Variants in GUCY1A1 observed in about 807,000 individuals in gnomAD.
GUCY1A1 encodes the protein guanylate cyclase 1 soluble subunit alpha 1.
GUCY1A1 carries 48 observed loss-of-function variants against 64.5 expected under a neutral mutation model. That is an observed-to-expected ratio of 0.74 (90% CI 0.59 to 0.95). The LOEUF is 0.95. Ranked by LOEUF, GUCY1A1 falls within the 40% of genes least tolerant of loss-of-function variation. The pLI, the probability that GUCY1A1 is intolerant of heterozygous loss-of-function variation, is 0.00. For synonymous variants in GUCY1A1, 308 were observed against 303.4 expected (o/e 1.02, Z -0.16); for missense variants, 804 against 825.3 (o/e 0.97, Z 0.32).
At chr4:155,703,520 A>C (rs1731360154) in intron 3 of GUCY1A1, among the ~76,000 whole-genome samples, 1 of 152,186 alleles carries the variant, frequency 6.6e-6, no homozygotes, top group African/African-American at 2.4e-5. Context: ...CTGAGATTGA[A>C]GTATTGGCCG....
chr4:155,720,656 T>C (rs1430129008), intron 8 of GUCY1A1, among the ~76,000 whole-genome samples: 1 of 152,122 alleles, frequency 6.6e-6, no homozygotes, highest in East Asian at 1.9e-4. Context: ...TCATATGACA[T>C]CTTAAAAGTA....
chr4:155,724,557 A>G (rs1420605294), intron 9 of GUCY1A1, among the ~76,000 whole-genome samples: 1 of 152,106 alleles, frequency 6.6e-6, no homozygotes, highest in Non-Finnish European at 1.5e-5. Flanking sequence ...TCTCAGAAGC[A>G]TTTGAATAGG....
At chr4:155,678,120 C>T (rs1735211670) in intron 2 of GUCY1A1, among the ~76,000 whole-genome samples, 1 of 152,036 alleles carries the variant, frequency 6.6e-6, no homozygotes, top group Non-Finnish European at 1.5e-5. Context: ...CAAAAATGTA[C>T]ACTTATACTT....
At chr4:155,691,158 A>G (rs1175555282) in intron 2 of GUCY1A1, among the ~76,000 whole-genome samples, 1 of 152,210 alleles carries the variant, frequency 6.6e-6, no homozygotes, top group Non-Finnish European at 1.5e-5. Context: ...AAGAATAAAT[A>G]TGATGTAAGG....
intron 2 of GUCY1A1, among the ~76,000 whole-genome samples, chr4:155,676,662 G>A (rs1345943278): frequency 6.6e-6 from 1 of 151,460 alleles, no homozygotes; most frequent in Admixed American, 6.6e-5. Context: ...GAGTCATGCA[G>A]TGTTTATCAC....
At chr4:155,710,114 A>C (rs1560948326) in intron 5 of GUCY1A1, among the ~76,000 whole-genome samples, 1 of 152,226 alleles carries the variant, frequency 6.6e-6, no homozygotes, top group Non-Finnish European at 1.5e-5. Flanking sequence ...CAGTAATTTT[A>C]AATTAACTTC....
At chr4:155,670,255 A>C (rs1733952924) in intron 2 of GUCY1A1, among the ~76,000 whole-genome samples, 1 of 152,182 alleles carries the variant, frequency 6.6e-6, no homozygotes, top group Non-Finnish European at 1.5e-5. Flanking sequence ...TGTAAAAACA[A>C]ATTTTTTCCC....
At chr4:155,694,458 G>A (rs1182986521) in intron 2 of GUCY1A1, among the ~76,000 whole-genome samples, 1 of 152,170 alleles carries the variant, frequency 6.6e-6, no homozygotes, top group African/African-American at 2.4e-5. Flanking sequence ...TTTTTGGAGA[G>A]GAGTGACTAG....
At chr4:155,725,487 G>C (rs1734535098) in intron 9 of GUCY1A1, among the ~76,000 whole-genome samples, 1 of 152,012 alleles carries the variant, frequency 6.6e-6, no homozygotes, top group Admixed American at 6.6e-5. Context: ...ACTGACACCT[G>C]TGTTTCTCTT....
At chr4:155,708,372 T>G in intron 5 of GUCY1A1, 78 bp downstream of exon 5, 1 of 784,640 alleles carries the variant, frequency 1.3e-6, no homozygotes, top group East Asian at 2.5e-5. Context: ...ATATTCATAT[T>G]TATTTGTTGG....
chr4:155,678,598 T>C (rs560072145), intron 2 of GUCY1A1, among the ~76,000 whole-genome samples: 1 of 152,330 alleles, frequency 6.6e-6, no homozygotes, highest in African/African-American at 2.4e-5. Context: ...ATGTCATACA[T>C]TTAATTAATA....
intron 3 of GUCY1A1, among the ~76,000 whole-genome samples, chr4:155,698,482 G>A (rs965730506): frequency 1.3e-5 from 2 of 152,156 alleles, no homozygotes. Context: ...GAACAGAAAT[G>A]AACCAAAGGT....
At chr4:155,670,096 C>G (rs1003785196) in intron 2 of GUCY1A1, among the ~76,000 whole-genome samples, 6 of 152,104 alleles carry the variant, frequency 3.9e-5, no homozygotes, top group African/African-American at 1.4e-4. Flanking sequence ...CTGAGAATGA[C>G]TTTTTCTGTC....
In GUCY1A1 at chr4:155,735,437, G is replaced by A. The variant is rs11946662; in HGVS notation, c.*5206G>A. ...TAATATCTTGGATTTAAACATTGGGGTAGAAATCAGGACAAAATTTAAATG... is the reference window on the plus strand; with the variant it reads ...TAATATCTTGGATTTAAACATTGGGATAGAAATCAGGACAAAATTTAAATG... On this transcript the variant is annotated 3_prime_UTR_variant, in exon 10 of 10. Coordinates refer to ENST00000506455, the MANE Select transcript of GUCY1A1 (RefSeq NM_001130682.3). 1.3e-5 allele frequency: 2 copies of A among 151,898 alleles called. No homozygotes were observed. The highest frequency in any genetic ancestry group is 2.9e-5 in the Non-Finnish European group (2 of 67,900). 9.4% of individuals were successfully genotyped at this position (151,898 alleles called of 1,614,324 possible). A position where few individuals can be genotyped will look rare whatever the true frequency, so the allele number is the denominator to read the frequency against.
At chr4:155,704,257 G>T (rs1464790863) in intron 4 of GUCY1A1, among the ~76,000 whole-genome samples, 1 of 152,146 alleles carries the variant, frequency 6.6e-6, no homozygotes, top group South Asian at 2.1e-4. Context: ...TTCGAGCCTG[G>T]GTTTTTCAGA....
At chr4:155,723,660 ATT>A (rs1734272117) in intron 9 of GUCY1A1, among the ~76,000 whole-genome samples, 2 of 143,528 alleles carry the variant, frequency 1.4e-5, no homozygotes, top group Non-Finnish European at 1.5e-5. Flanking sequence ...TTATTTATTT[ATT>A]TATTTATTTA....
chr4:155,718,239 A>G lies in GUCY1A1; in HGVS notation c.1716+937A>G, dbSNP rs547532368. Among the ~76,000 whole-genome samples the G allele has an allele frequency of 2.1e-4, 32 of 152,322 alleles. No homozygotes were observed. In the South Asian group the frequency reaches 6.4e-3, roughly 31 times the overall value. ...GAGGTATTGTAAAATCTTATCCGGTATGCTATAAAACATATAGAGAAGAAA... is the reference window on the plus strand; with the variant it reads ...GAGGTATTGTAAAATCTTATCCGGTGTGCTATAAAACATATAGAGAAGAAA... On this transcript the variant is annotated intron_variant, in intron 8 of 9. Transcript: ENST00000506455.
At chr4:155,699,813 T>G (rs991688300) in intron 3 of GUCY1A1, among the ~76,000 whole-genome samples, 8 of 152,186 alleles carry the variant, frequency 5.3e-5, no homozygotes, top group Non-Finnish European at 1.0e-4. Flanking sequence ...ACAATTTTTG[T>G]TTTAGATAAT....
chr4:155,721,883 G>T (rs1403332849), intron 8 of GUCY1A1, among the ~76,000 whole-genome samples, 155 bp from the exon 9 acceptor site: 3 of 152,144 alleles, frequency 2.0e-5, no homozygotes, highest in Non-Finnish European at 4.4e-5. Context: ...TTAATTGCAT[G>T]TGAGGAGTAG....
Sources: gnomAD v4.1 joint callset for allele counts (sites outside exome capture counted in the v4.1 genomes callset) on GRCh38, gnomAD v4.1.1 for gene constraint, MANE v1.5 for transcripts, NCBI Gene and HGNC (gene_info 2026-07-23, HGNC 2026-07-21) for gene names.